Variants in RTN1 observed in about 807,000 individuals in gnomAD.
The protein encoded by RTN1 is reticulon-1.
In RTN1, 25 loss-of-function variants were observed where a neutral mutation model predicts 65.5. That is an observed-to-expected ratio of 0.38 (90% CI 0.28 to 0.53). The LOEUF (loss-of-function observed/expected upper bound fraction) is 0.53, where lower values mean the gene tolerates loss of function less well. RTN1 is among the 20% of genes least tolerant of loss of function. The probability of loss-of-function intolerance (pLI) is 0.79; values close to 1 mark genes in which losing one functional copy is unlikely to be tolerated. For missense variants in RTN1, 983 were observed against 1,025.4 expected, an observed-to-expected ratio of 0.96 and a Z score of 0.57; for synonymous variants, 471 against 447.6, an observed-to-expected ratio of 1.05 and a Z score of -0.66.
At chr14:59,680,226 ACCT>A (rs961255019) in intron 3 of RTN1, among the ~76,000 whole-genome samples, 2 of 152,068 alleles carry the variant, frequency 1.3e-5, no homozygotes, top group Admixed American at 6.6e-5. Context: ...GAAGTCATAA[ACCT>A]CCTCCAAAAT....
intron 1 of RTN1, among the ~76,000 whole-genome samples, chr14:59,770,566 A>G (rs1885937031): frequency 6.6e-6 from 1 of 151,978 alleles, no homozygotes; most frequent in Non-Finnish European, 1.5e-5. Context: ...AAGAACCTTA[A>G]TGTTATGGTA....
chr14:59,695,872 T>C (rs1275717060), intron 3 of RTN1, among the ~76,000 whole-genome samples: 1 of 152,010 alleles, frequency 6.6e-6, no homozygotes, highest in Non-Finnish European at 1.5e-5. Flanking sequence ...TACACACACA[T>C]ATCAGAAAGA....
At chr14:59,606,459 T>G (rs1269312323) in intron 4 of RTN1, among the ~76,000 whole-genome samples, 1 of 152,102 alleles carries the variant, frequency 6.6e-6, no homozygotes, top group Non-Finnish European at 1.5e-5. Flanking sequence ...ATGGGATTAG[T>G]GCCCTTAGAA....
intron 3 of RTN1, among the ~76,000 whole-genome samples, chr14:59,723,449 A>C (rs183296635): frequency 3.3e-5 from 5 of 151,306 alleles, no homozygotes; most frequent in Non-Finnish European, 7.4e-5. Context: ...CACTAAAAAA[A>C]AAAAAATACA....
intron 1 of RTN1, among the ~76,000 whole-genome samples, chr14:59,850,865 TG>T (rs1466178720): frequency 6.6e-6 from 1 of 152,188 alleles, no homozygotes; most frequent in East Asian, 1.9e-4. Context: ...GGTGGGATCA[TG>T]GGTAGGTTTT....
Position 59,749,248 on chromosome 14 carries a change from CTA to C in RTN1, c.242-2769_242-2768del, listed in dbSNP as rs1228908668. 6.2e-5 allele frequency among the ~76,000 whole-genome samples: 2 copies of C among 32,064 alleles called. 1 individual carries two copies. The highest frequency in any genetic ancestry group is 1.5e-3 in the South Asian group (2 of 1,358). 21.0% of individuals were successfully genotyped at this position (32,064 alleles called of 152,430 possible). A position where few individuals can be genotyped will look rare whatever the true frequency, so the allele number is the denominator to read the frequency against. On this transcript the variant is annotated intron_variant, in intron 1 of 8. Transcript: ENST00000267484. ...TATATCTATATATATCTATATATAT[CTA>C]TATATCTATATATATCTATATATAT...
chr14:59,693,543 T>G (rs539241547), intron 3 of RTN1, among the ~76,000 whole-genome samples: 125 of 152,270 alleles, frequency 8.2e-4, no homozygotes, highest in Non-Finnish European at 1.6e-3. Context: ...CAAAGTCCAC[T>G]GTATCATTCT....
intron 1 of RTN1, among the ~76,000 whole-genome samples, chr14:59,758,747 A>G (rs76006385): frequency 0.016 from 2,422 of 152,242 alleles, 63 homozygotes; most frequent in African/African-American, 0.056. Context: ...ATATCTTTGC[A>G]CAGTCTGTGC....
chr14:59,637,496 G>A (rs1029392517), intron 3 of RTN1, among the ~76,000 whole-genome samples: 4 of 152,068 alleles, frequency 2.6e-5, no homozygotes, highest in African/African-American at 7.2e-5. Context: ...GGCGGCTCAC[G>A]AAGTCAAGAG....
chr14:59,750,121 A>G (rs1885425118), intron 1 of RTN1, among the ~76,000 whole-genome samples: 1 of 84,276 alleles, frequency 1.2e-5, no homozygotes, highest in African/African-American at 4.9e-5. Context: ...TATATAATAT[A>G]TATTATCTAT....
chr14:59,761,472 G>C (rs1178344004), intron 1 of RTN1, among the ~76,000 whole-genome samples: 1 of 152,118 alleles, frequency 6.6e-6, no homozygotes, highest in African/African-American at 2.4e-5. Context: ...TGCTATGATT[G>C]TGAGGCCTCT....
At chr14:59,781,388 C>T (rs1242738423) in intron 1 of RTN1, among the ~76,000 whole-genome samples, 1 of 151,940 alleles carries the variant, frequency 6.6e-6, no homozygotes, top group South Asian at 2.1e-4. Context: ...TCCAATTGTT[C>T]TTGCTGAATA....
At chr14:59,654,891 T>C (rs1187169827) in intron 3 of RTN1, among the ~76,000 whole-genome samples, 2 of 152,184 alleles carry the variant, frequency 1.3e-5, no homozygotes, top group African/African-American at 4.8e-5. Flanking sequence ...GATTTTCTCC[T>C]AATATCTGGA....
At chr14:59,864,784 C>A (rs1594772567) in intron 1 of RTN1, among the ~76,000 whole-genome samples, 1 of 152,102 alleles carries the variant, frequency 6.6e-6, no homozygotes, top group South Asian at 2.1e-4. Context: ...CCCTTTTGTA[C>A]CTTTTAGATT....
intron 3 of RTN1, among the ~76,000 whole-genome samples, chr14:59,614,082 C>G (rs1286752038): frequency 1.3e-5 from 2 of 152,180 alleles, no homozygotes; most frequent in Admixed American, 6.5e-5. Context: ...CCCACTACCC[C>G]CACTGGGAGA....
intron 1 of RTN1, among the ~76,000 whole-genome samples, chr14:59,756,660 C>T (rs909752788): frequency 2.6e-5 from 4 of 151,992 alleles, no homozygotes; most frequent in Non-Finnish European, 4.4e-5. Context: ...CTCTGATTTC[C>T]AAAGAGAAAA....
intron 3 of RTN1, among the ~76,000 whole-genome samples, chr14:59,678,292 C>T (rs748297037): frequency 7.2e-5 from 11 of 152,188 alleles, no homozygotes; most frequent in Non-Finnish European, 1.5e-4. Flanking sequence ...AATGGCCTAG[C>T]TCAATCATTT....
chr14:59,708,864 T>C (rs2139455560), intron 3 of RTN1, among the ~76,000 whole-genome samples: 1 of 152,268 alleles, frequency 6.6e-6, no homozygotes, highest in African/African-American at 2.4e-5. Flanking sequence ...TAAGAAAATA[T>C]TGGGAAAAAA....
At chr14:59,812,136 CA>C (rs112561455) in intron 1 of RTN1, among the ~76,000 whole-genome samples, 8 of 152,188 alleles carry the variant, frequency 5.3e-5, no homozygotes, top group African/African-American at 1.9e-4. Flanking sequence ...CAGGATTGCA[CA>C]AACAGCTGCT....
Sources: allele counts gnomAD v4.1 joint callset (sites outside exome capture counted in the v4.1 genomes callset), GRCh38; gene constraint gnomAD v4.1.1; transcripts MANE v1.5; gene names NCBI Gene and HGNC (gene_info 2026-07-23, HGNC 2026-07-21).